Variants in SPAG17 observed in about 807,000 individuals in gnomAD.
SPAG17 encodes the protein sperm-associated antigen 17.
SPAG17 carries 169 observed loss-of-function variants against 273.6 expected under a neutral mutation model. That is an observed-to-expected ratio of 0.62 (90% CI 0.55 to 0.70). SPAG17 has a LOEUF of 0.70. Among genes scored for constraint, SPAG17 ranks in the 30% least tolerant of loss-of-function variants. SPAG17 has a pLI of 0.00. For missense variants in SPAG17, 2,557 were observed against 2,627.8 expected, an observed-to-expected ratio of 0.97 and a Z score of 0.59; for synonymous variants, 825 against 873.2, an observed-to-expected ratio of 0.94 and a Z score of 0.97.
intron 1 of SPAG17, among the ~76,000 whole-genome samples, chr1:118,175,184 C>T (rs886328449): frequency 1.3e-5 from 2 of 152,094 alleles, no homozygotes; most frequent in Non-Finnish European, 2.9e-5. Flanking sequence ...GCACGCACCA[C>T]CACACCCAGT....
At chr1:118,036,206 A>G (rs905745266) in intron 24 of SPAG17, among the ~76,000 whole-genome samples, 1 of 152,086 alleles carries the variant, frequency 6.6e-6, no homozygotes, top group African/African-American at 2.4e-5. Flanking sequence ...AAAGAAAGAA[A>G]GAAAGAAGGA....
intron 1 of SPAG17, among the ~76,000 whole-genome samples, chr1:118,182,385 C>G (rs905641332): frequency 3.6e-4 from 54 of 152,076 alleles, no homozygotes; most frequent in Non-Finnish European, 7.5e-4. Flanking sequence ...CTGCCTTGAC[C>G]ATTGCATGGA....
chr1:118,166,263 C>A (rs1660166166), intron 1 of SPAG17, among the ~76,000 whole-genome samples: 2 of 152,054 alleles, frequency 1.3e-5, no homozygotes, highest in African/African-American at 4.8e-5. Context: ...AGGGTGAGGA[C>A]AAGGGAAAGC....
At chr1:118,146,289 A>C (rs1268775614) in intron 3 of SPAG17, among the ~76,000 whole-genome samples, 1 of 152,164 alleles carries the variant, frequency 6.6e-6, no homozygotes, top group Non-Finnish European at 1.5e-5. Flanking sequence ...GTTTTGAATG[A>C]CTACTGATAT....
In SPAG17 at chr1:118,163,876, A is replaced by G. The variant is rs558001210; in HGVS notation, c.88-12507T>C. On this transcript the variant is annotated intron_variant, in intron 1 of 48. Coordinates refer to ENST00000336338, the MANE Select transcript of SPAG17 (RefSeq NM_206996.4). Reference sequence around the variant, plus strand: ...CCACCATACACCCTATTGAAATTGCATTCTGGAAGATCACTGATTATGTCC... The same window carrying G: ...CCACCATACACCCTATTGAAATTGCGTTCTGGAAGATCACTGATTATGTCC... 8.3e-4 allele frequency among the ~76,000 whole-genome samples: 127 copies of G among 152,248 alleles called. 1 individual carries two copies. The highest frequency in any genetic ancestry group is 2.9e-3 in the African/African-American group (121 of 41,548).
chr1:118,064,709 C>A (rs1415750693), intron 18 of SPAG17, among the ~76,000 whole-genome samples: 1 of 146,220 alleles, frequency 6.8e-6, no homozygotes, highest in Non-Finnish European at 1.5e-5. Context: ...CACATTGTGC[C>A]CATGTACCCT....
At chr1:118,115,110 C>T (rs984083512) in intron 4 of SPAG17, among the ~76,000 whole-genome samples, 200 bp downstream of exon 4, 3 of 152,080 alleles carry the variant, frequency 2.0e-5, no homozygotes, top group East Asian at 1.9e-4. Context: ...TCATATTTTA[C>T]GGAACCTATT....
At position 118,091,604 on chromosome 1, in the gene SPAG17, A is replaced by C. The variant is rs772049326; in HGVS notation, c.1359+2T>G. On this transcript the variant is annotated splice_donor_variant, in intron 10 of 48. Transcript: ENST00000336338. LOFTEE classifies it high-confidence loss of function. ...ATACAACCTGGGAAAAAGCCTCCCCACCTGTTCCAGCATACAATGCAGTAT... is the reference window on the plus strand; with the variant it reads ...ATACAACCTGGGAAAAAGCCTCCCCCCCTGTTCCAGCATACAATGCAGTAT... The C allele has an allele frequency of 6.3e-7, 1 of 1,575,768 alleles. No homozygotes were observed. The highest frequency in any genetic ancestry group is 8.7e-7 in the Non-Finnish European group (1 of 1,146,346).
chr1:117,973,359 T>TA (rs1654776732), intron 44 of SPAG17, 66 bp downstream of exon 44: 2 of 1,563,482 alleles, frequency 1.3e-6, no homozygotes, highest in East Asian at 2.3e-5. Context: ...TTGAAAAAAA[T>TA]AAAAAATAAA....
intron 1 of SPAG17, among the ~76,000 whole-genome samples, chr1:118,171,832 A>C (rs1344806104): frequency 6.6e-6 from 1 of 152,182 alleles, no homozygotes; most frequent in Non-Finnish European, 1.5e-5. Context: ...TGATCGTCAC[A>C]ACTTACTGTT....
chr1:118,163,396 C>T (rs1660021105), intron 1 of SPAG17, among the ~76,000 whole-genome samples: 2 of 152,114 alleles, frequency 1.3e-5, no homozygotes, highest in African/African-American at 2.4e-5. Context: ...ATGTGGTGAC[C>T]TCATTCCCAC....
rs1240872321 is a variant in SPAG17 at position 118,054,114 on chromosome 1, ACTT to A, written c.2723-24_2723-22del. 2.0e-6 allele frequency: 3 copies of A among 1,504,546 alleles called. No individual in the cohort carries two copies. In the African/African-American group the frequency reaches 4.1e-5, roughly 21 times the overall value. The allele number at this position is 1,504,546 out of a possible 1,614,324, so 93.2% of individuals were successfully genotyped here. On this transcript the variant is annotated intron_variant, in intron 19 of 48. Coordinates refer to ENST00000336338, the MANE Select transcript of SPAG17 (RefSeq NM_206996.4). ...GTTACCTATAATCAGATAAAATTAA[ACTT>A]CTTAGTAACTCTTAAATAAGATATC...
chr1:118,005,345 G>T, intron 32 of SPAG17, 69 bp downstream of exon 32: 1 of 1,334,896 alleles, frequency 7.5e-7, no homozygotes, highest in Non-Finnish European at 1.0e-6. Flanking sequence ...CTACATGGAA[G>T]CTTTGTAGTG....
intron 24 of SPAG17, among the ~76,000 whole-genome samples, chr1:118,033,945 C>A (rs1037929690): frequency 3.3e-5 from 5 of 152,126 alleles, no homozygotes; most frequent in Non-Finnish European, 5.9e-5. Flanking sequence ...GATATTATTG[C>A]TCTATTTATG....
intron 20 of SPAG17, among the ~76,000 whole-genome samples, chr1:118,047,210 A>C (rs184514823): frequency 1.3e-3 from 199 of 152,302 alleles, no homozygotes; most frequent in Non-Finnish European, 2.2e-3. Context: ...TTTTAAAGTC[A>C]ACACAGAGTG....
intron 4 of SPAG17, among the ~76,000 whole-genome samples, chr1:118,105,153 G>C (rs1387340355): frequency 2.6e-5 from 4 of 152,096 alleles, no homozygotes; most frequent in South Asian, 4.2e-4. Context: ...ACATCTTGAT[G>C]GTGTTGAGAA....
At chr1:118,141,126 CTTGTT>C (rs1658657137) in intron 3 of SPAG17, among the ~76,000 whole-genome samples, 1 of 150,548 alleles carries the variant, frequency 6.6e-6, no homozygotes, top group African/African-American at 2.4e-5. Context: ...TATTTGTTTG[CTTGTT>C]TTGAGTTTTG....
At chr1:118,012,928 A>C (rs1017809748) in intron 29 of SPAG17, among the ~76,000 whole-genome samples, 2 of 152,182 alleles carry the variant, frequency 1.3e-5, no homozygotes, top group African/African-American at 4.8e-5. Context: ...GTGCCGCTGC[A>C]TGCCTGTGAG....
intron 34 of SPAG17, among the ~76,000 whole-genome samples, chr1:117,994,948 G>A (rs1427617217): frequency 1.3e-5 from 2 of 151,964 alleles, no homozygotes; most frequent in African/African-American, 4.8e-5. Flanking sequence ...TTGCAGTCAG[G>A]GTGACTGATT....
Sources: gnomAD v4.1 joint callset for allele counts (sites outside exome capture counted in the v4.1 genomes callset) on GRCh38, gnomAD v4.1.1 for gene constraint, MANE v1.5 for transcripts, NCBI Gene and HGNC (gene_info 2026-07-23, HGNC 2026-07-21) for gene names.